Variants in COL27A1 observed in about 807,000 individuals in gnomAD.
COL27A1 encodes the protein collagen alpha-1(XXVII) chain.
COL27A1 carries 106 observed loss-of-function variants against 251.3 expected under a neutral mutation model. That is an observed-to-expected ratio of 0.42 (90% CI 0.36 to 0.50). COL27A1 has a LOEUF of 0.50. COL27A1 is among the 20% of genes least tolerant of loss of function. The pLI, the probability that COL27A1 is intolerant of heterozygous loss-of-function variation, is 0.00. For synonymous variants in COL27A1, 1,000 were observed against 986.3 expected (o/e 1.01, Z -0.26); for missense variants, 2,325 against 2,522.8 (o/e 0.92, Z 1.68).
At position 114,311,055 on chromosome 9, in the gene COL27A1, C is replaced by T. The variant is rs1308360768; in HGVS notation, c.*360C>T. On this transcript the variant is annotated 3_prime_UTR_variant, in exon 61 of 61. Coordinates refer to ENST00000356083, the MANE Select transcript of COL27A1 (RefSeq NM_032888.4). ...GCCAACTTGAGGGAAGGGGGCGTCT[C>T]GTCAGCTGGTCCCTGCTAGGGAGCT... 6 of 226,998 alleles carry T rather than the reference C, an allele frequency of 2.6e-5. 1 individual carries two copies. Among genetic ancestry groups the T allele is most frequent in the South Asian group, 1.1e-4 (1 of 9,016 alleles). The allele number at this position is 226,998 out of a possible 1,614,324, so 14.1% of individuals were successfully genotyped here.
intron 31 of COL27A1, 126 bp downstream of exon 31, chr9:114,265,236 G>T (rs944154863): frequency 3.4e-6 from 4 of 1,169,448 alleles, no homozygotes; most frequent in Non-Finnish European, 3.8e-6. Flanking sequence ...CGCAGGTTCT[G>T]GTTGCCCACC....
At chr9:114,272,923 G>A (rs1835241333) in intron 36 of COL27A1, 1 of 152,110 alleles carries the variant, frequency 6.6e-6, no homozygotes, top group Non-Finnish European at 1.5e-5. Flanking sequence ...GTGGTATTAG[G>A]GAGTCTCCAC....
At chr9:114,240,053 C>G (rs1467726570) in intron 19 of COL27A1, among the ~76,000 whole-genome samples, 167 bp from the exon 20 acceptor site, 2 of 152,170 alleles carry the variant, frequency 1.3e-5, no homozygotes, top group African/African-American at 2.4e-5. Flanking sequence ...AACCATGCAC[C>G]CTGTTTTAGA....
intron 3 of COL27A1, among the ~76,000 whole-genome samples, chr9:114,178,040 C>T (rs964504080): frequency 6.6e-6 from 1 of 152,142 alleles, no homozygotes; most frequent in Non-Finnish European, 1.5e-5. Context: ...GGAAGGTTTT[C>T]TGGAGAAGGT....
At chr9:114,262,450 G>A (rs773512766) in intron 28 of COL27A1, among the ~76,000 whole-genome samples, 1 of 152,228 alleles carries the variant, frequency 6.6e-6, no homozygotes, top group African/African-American at 2.4e-5. Flanking sequence ...GCCTGAGGAA[G>A]GGACTGAGCC....
intron 56 of COL27A1, 78 bp downstream of exon 56, chr9:114,302,186 T>TAGCCACCAGGGCCAGAGA: frequency 3.3e-6 from 4 of 1,214,406 alleles, no homozygotes; most frequent in Non-Finnish European, 4.9e-6. Flanking sequence ...TGGCCCTCTC[T>TAGCCACCAGGGCCAGAGA]GGCCCTGGTG....
chr9:114,275,677 C>T lies in COL27A1; in HGVS notation c.3626C>T (p.Pro1209Leu), dbSNP rs1481890557. 1.4e-5 allele frequency: 21 copies of T among 1,549,880 alleles called. No homozygotes were observed. Among genetic ancestry groups the T allele is most frequent in the Non-Finnish European group, 1.8e-5 (21 of 1,146,628 alleles). Residue 1209 changes from proline to leucine, a missense_variant, in exon 37 of 61, where the codon CCA becomes CTA. Coordinates refer to ENST00000356083, the MANE Select transcript of COL27A1 (RefSeq NM_032888.4). ...GCCACCCAGGGGGACAGGGGAGACC[C>T]AGGGCCTGATGGAGAACATGGCGAG... The part of the protein sequence containing the change: ...PDGLKGDRGD[P>L]GPDGEHGEKG...
chr9:114,205,257 CTG>C, intron 8 of COL27A1, 111 bp downstream of exon 8: 2 of 993,776 alleles, frequency 2.0e-6, no homozygotes, highest in Non-Finnish European at 3.0e-6. Flanking sequence ...CAGAGCCAGG[CTG>C]TTTTGCCTCT....
chr9:114,290,182 C>T lies in COL27A1; in HGVS notation c.4261-42C>T, dbSNP rs1381575530. On this transcript the variant is annotated intron_variant, in intron 46 of 60. Transcript: ENST00000356083. The surrounding 1 kb of genome is among the most constrained non-coding windows in gnomAD (Gnocchi z 4.6). ...CCCCACACCCGCCCTCCTCCCACTC[C>T]CTGCACCAAATGCCCTCACCAGCTT... 6 of 1,586,386 alleles carry T rather than the reference C, an allele frequency of 3.8e-6. No homozygotes were observed. Among genetic ancestry groups the T allele is most frequent in the Non-Finnish European group, 5.2e-6 (6 of 1,164,426 alleles).
At chr9:114,226,583 C>T (rs1188774735) in intron 14 of COL27A1, among the ~76,000 whole-genome samples, 1 of 152,178 alleles carries the variant, frequency 6.6e-6, no homozygotes, top group Non-Finnish European at 1.5e-5. Context: ...CTGGGCAGTG[C>T]CAGGGCTGTT....
intron 48 of COL27A1, among the ~76,000 whole-genome samples, chr9:114,291,723 T>C (rs1827932156): frequency 6.6e-6 from 1 of 152,150 alleles, no homozygotes; most frequent in Non-Finnish European, 1.5e-5. Context: ...CACTCCAGCC[T>C]GGGCGGCAGA....
intron 14 of COL27A1, among the ~76,000 whole-genome samples, chr9:114,230,177 C>G (rs1341443521): frequency 1.3e-5 from 2 of 152,148 alleles, no homozygotes; most frequent in African/African-American, 4.8e-5. Flanking sequence ...GGTCTGCTGT[C>G]CACTGGGTGG....
chr9:114,255,634 C>A (rs1186544466), intron 27 of COL27A1, among the ~76,000 whole-genome samples: 1 of 152,200 alleles, frequency 6.6e-6, no homozygotes, highest in African/African-American at 2.4e-5. Flanking sequence ...CTCCTCAGTG[C>A]TTCCCCCTCT....
At chr9:114,299,604 G>C (rs1054572765) in intron 49 of COL27A1, among the ~76,000 whole-genome samples, 32 of 152,348 alleles carry the variant, frequency 2.1e-4, no homozygotes, top group Non-Finnish European at 4.1e-4. Context: ...TGTAAACAGG[G>C]GATATGGTGT....
At chr9:114,284,390 C>T (rs748463302) in intron 40 of COL27A1, among the ~76,000 whole-genome samples, 1 of 152,216 alleles carries the variant, frequency 6.6e-6, no homozygotes, top group Non-Finnish European at 1.5e-5. Context: ...CTAGCCAAAG[C>T]CTGGGAAGGT....
chr9:114,169,555 GGAGCAGCTTA>G (rs1849163770), intron 3 of COL27A1, 92 bp downstream of exon 3: 1 of 1,085,836 alleles, frequency 9.2e-7, no homozygotes. Context: ...GACAGGAAAA[GGAGCAGCTTA>G]GAGCAGGGAG....
intron 12 of COL27A1, among the ~76,000 whole-genome samples, chr9:114,212,087 AAAC>A (rs1830407055): frequency 6.6e-6 from 1 of 152,244 alleles, no homozygotes; most frequent in African/African-American, 2.4e-5. Context: ...CAAAGAGGAA[AAAC>A]AAAGAAAAGA....
intron 14 of COL27A1, among the ~76,000 whole-genome samples, chr9:114,229,055 C>T (rs928200937): frequency 6.6e-6 from 1 of 152,194 alleles, no homozygotes; most frequent in Admixed American, 6.5e-5. Flanking sequence ...AACTCCTGGC[C>T]TCAAGCAATC....
intron 27 of COL27A1, among the ~76,000 whole-genome samples, chr9:114,253,175 G>T (rs998799074): frequency 6.6e-6 from 1 of 152,048 alleles, no homozygotes; most frequent in Non-Finnish European, 1.5e-5. Flanking sequence ...CATGAGAATC[G>T]CTTGAACCCA....
Sources: gnomAD v4.1 joint callset for allele counts (sites outside exome capture counted in the v4.1 genomes callset) on GRCh38, gnomAD v4.1.1 for gene constraint, Gnocchi (gnomAD v3.1) non-coding constraint, MANE v1.5 for transcripts, NCBI Gene and HGNC (gene_info 2026-07-23, HGNC 2026-07-21) for gene names.